Variants in SCD5 observed in about 807,000 individuals in gnomAD.
SCD5 encodes acyl-CoA-desaturase 4.
In SCD5, 20 loss-of-function variants were observed where a neutral mutation model predicts 30.4. The observed-to-expected ratio is 0.66, with a 90% confidence interval of 0.46 to 0.96. The LOEUF (loss-of-function observed/expected upper bound fraction) is 0.96. Ranked by LOEUF, SCD5 falls within the 40% of genes least tolerant of loss-of-function variation. SCD5 has a pLI of 0.00. For synonymous variants in SCD5, 173 were observed against 176.4 expected (o/e 0.98, Z 0.16); for missense variants, 381 against 443.3 (o/e 0.86, Z 1.26).
intron 1 of SCD5, 133 bp downstream of exon 1, chr4:82,798,173 G>A: frequency 9.9e-7 from 1 of 1,006,708 alleles, no homozygotes; most frequent in Non-Finnish European, 1.2e-6. Flanking sequence ...GGGCCGCGGC[G>A]CGCAGCGGGA....
chr4:82,650,169 GGTT>G (rs1351508952), intron 3 of SCD5, among the ~76,000 whole-genome samples: 1 of 152,158 alleles, frequency 6.6e-6, no homozygotes, highest in Non-Finnish European at 1.5e-5. Flanking sequence ...GAGTGGGAGG[GGTT>G]GTTAGGTAGT....
intron 3 of SCD5, among the ~76,000 whole-genome samples, chr4:82,652,605 A>T (rs1283164864): frequency 1.3e-5 from 2 of 152,212 alleles, no homozygotes; most frequent in Non-Finnish European, 2.9e-5. Flanking sequence ...TGCACATAAA[A>T]GTGTCTGGTG....
intron 1 of SCD5, among the ~76,000 whole-genome samples, chr4:82,763,468 G>A (rs1259501709): frequency 6.6e-6 from 1 of 152,184 alleles, no homozygotes; most frequent in Non-Finnish European, 1.5e-5. Context: ...CGGAGATCGT[G>A]CCACTGCACT....
chr4:82,723,884 T>C (rs1720420108), intron 1 of SCD5, among the ~76,000 whole-genome samples: 1 of 152,202 alleles, frequency 6.6e-6, no homozygotes, highest in Non-Finnish European at 1.5e-5. Context: ...GACTAGCTCC[T>C]AGCTCAAAAC....
chr4:82,734,333 T>A (rs1387333691), intron 1 of SCD5, among the ~76,000 whole-genome samples: 1 of 152,140 alleles, frequency 6.6e-6, no homozygotes, highest in Non-Finnish European at 1.5e-5. Context: ...TCCAAGTAGG[T>A]AAAGCTCTGT....
intron 1 of SCD5, among the ~76,000 whole-genome samples, chr4:82,746,176 C>G (rs1001934756): frequency 3.3e-5 from 5 of 152,042 alleles, no homozygotes; most frequent in African/African-American, 1.2e-4. Flanking sequence ...TGAGCAGTAC[C>G]GGAGAGAAAG....
At chr4:82,655,370 T>C (rs1372854161) in intron 3 of SCD5, among the ~76,000 whole-genome samples, 1 of 152,206 alleles carries the variant, frequency 6.6e-6, no homozygotes, top group Non-Finnish European at 1.5e-5. Context: ...ATGGTATTAG[T>C]GGCCACAAGC....
At chr4:82,711,968 C>G (rs1720098388) in intron 1 of SCD5, among the ~76,000 whole-genome samples, 1 of 151,694 alleles carries the variant, frequency 6.6e-6, no homozygotes, top group South Asian at 2.1e-4. Flanking sequence ...CTGATTCTCA[C>G]ATTTTCATGT....
intron 1 of SCD5, among the ~76,000 whole-genome samples, chr4:82,743,761 A>G (rs758383584): frequency 3.3e-5 from 5 of 151,840 alleles, no homozygotes; most frequent in Non-Finnish European, 5.9e-5. Context: ...GCCTCAAGCA[A>G]TCCCCCCCGC....
At chr4:82,777,187 T>C (rs1236791578) in intron 1 of SCD5, among the ~76,000 whole-genome samples, 2 of 152,202 alleles carry the variant, frequency 1.3e-5, no homozygotes, top group Non-Finnish European at 2.9e-5. Flanking sequence ...ATGATCTCCA[T>C]TGTACAGATG....
At chr4:82,641,747 A>G (rs1278301362) in intron 3 of SCD5, among the ~76,000 whole-genome samples, 1 of 152,142 alleles carries the variant, frequency 6.6e-6, no homozygotes, top group Non-Finnish European at 1.5e-5. Context: ...GTTAAAGAAT[A>G]TGGTGGCCTG....
At chr4:82,709,047 T>G (rs372031557) in intron 1 of SCD5, among the ~76,000 whole-genome samples, 12 of 152,214 alleles carry the variant, frequency 7.9e-5, no homozygotes, top group Admixed American at 3.9e-4. Flanking sequence ...TGAAGAAAAC[T>G]TGACAGTGAT....
chr4:82,732,822 T>C (rs1168260992), intron 1 of SCD5, among the ~76,000 whole-genome samples: 3 of 152,240 alleles, frequency 2.0e-5, no homozygotes, highest in Admixed American at 1.3e-4. Context: ...AAACGGAATG[T>C]GGGGTGCTAA....
intron 2 of SCD5, among the ~76,000 whole-genome samples, chr4:82,693,874 T>C (rs1206471482): frequency 6.6e-6 from 1 of 152,152 alleles, no homozygotes; most frequent in Non-Finnish European, 1.5e-5. Context: ...GAAGAGTCCT[T>C]TTACTCTGGA....
chr4:82,731,044 T>G (rs1233185661), intron 1 of SCD5, among the ~76,000 whole-genome samples: 2 of 152,198 alleles, frequency 1.3e-5, no homozygotes, highest in African/African-American at 4.8e-5. Context: ...CATTCGGAAA[T>G]GTACCACCCC....
intron 3 of SCD5, among the ~76,000 whole-genome samples, chr4:82,640,185 T>C (rs1052659666): frequency 1.3e-5 from 2 of 152,188 alleles, no homozygotes; most frequent in Non-Finnish European, 2.9e-5. Flanking sequence ...ACCCTGCTCC[T>C]GCCTCCTCCC....
intron 2 of SCD5, 148 bp downstream of exon 2, chr4:82,705,135 G>C: frequency 2.0e-6 from 2 of 983,106 alleles, no homozygotes; most frequent in South Asian, 3.4e-5. Context: ...GCTACAAAGA[G>C]ATAAAAACTT....
chr4:82,643,564 G>C (rs938395016), intron 3 of SCD5, among the ~76,000 whole-genome samples: 1 of 152,174 alleles, frequency 6.6e-6, no homozygotes, highest in Non-Finnish European at 1.5e-5. Flanking sequence ...AGGAGCTGGG[G>C]GTGAAGAGAA....
intron 1 of SCD5, among the ~76,000 whole-genome samples, chr4:82,739,272 G>C (rs998021903): frequency 6.6e-6 from 1 of 152,298 alleles, no homozygotes; most frequent in Non-Finnish European, 1.5e-5. Flanking sequence ...AAAGGTGGAG[G>C]TCCTGGCCTG....
Sources: allele counts gnomAD v4.1 joint callset (sites outside exome capture counted in the v4.1 genomes callset), GRCh38; gene constraint gnomAD v4.1.1; transcripts MANE v1.5; gene names NCBI Gene and HGNC (gene_info 2026-07-23, HGNC 2026-07-21).